CDH13: variants seen among roughly 807,000 people sequenced by gnomAD.
CDH13 encodes cadherin-13.
Under a neutral mutation model 63.8 loss-of-function variants are expected in CDH13, and 24 were observed. The observed-to-expected ratio is 0.38, with a 90% CI of 0.27 to 0.53. CDH13 has a LOEUF of 0.53. CDH13 is among the 20% of genes least tolerant of loss of function. CDH13 has a pLI of 0.85. For synonymous variants in CDH13, 503 were observed against 355.3 expected (o/e 1.42, Z -4.67); for missense variants, 1,049 against 903.1 (o/e 1.16, Z -2.07).
intron 1 of CDH13, among the ~76,000 whole-genome samples, chr16:82,680,374 G>T (rs1302733803): frequency 6.6e-6 from 1 of 152,214 alleles, no homozygotes; most frequent in Non-Finnish European, 1.5e-5. Context: ...ACTTGTAGAG[G>T]TTAGGTAGTT....
chr16:83,123,510 C>G (rs144219803), intron 3 of CDH13, among the ~76,000 whole-genome samples: 2,392 of 152,174 alleles, frequency 0.016, 75 homozygotes, highest in African/African-American at 0.054. Flanking sequence ...AACTCCCAAC[C>G]TCAGGTTATC....
rs1904300851 is a variant in CDH13, at chr16:83,799,268, C to T, written c.*4238C>T. On this transcript the variant is annotated 3_prime_UTR_variant, in exon 14 of 14. Coordinates refer to ENST00000567109, the MANE Select transcript of CDH13 (RefSeq NM_001257.5). ...GCAGAGTTTGCAGTGAGCCATTGCA[C>T]TCCAGCCTGGGCAACAGAGCAAGAC... The T allele has an allele frequency of 2.1e-5, 3 of 144,916 alleles. No homozygotes were observed. The highest frequency in any genetic ancestry group is 1.5e-5 in the Non-Finnish European group (1 of 67,030). The allele number at this position is 144,916 out of a possible 1,614,324, so 9.0% of individuals were successfully genotyped here.
chr16:83,415,028 A>AG (rs2092179957), intron 6 of CDH13, among the ~76,000 whole-genome samples: 5 of 152,096 alleles, frequency 3.3e-5, no homozygotes, highest in Admixed American at 3.3e-4. Flanking sequence ...AGCTAGACTA[A>AG]GGGGAAAAAA....
At chr16:82,878,838 A>G (rs1373199129) in intron 2 of CDH13, among the ~76,000 whole-genome samples, 1 of 152,070 alleles carries the variant, frequency 6.6e-6, no homozygotes, top group Non-Finnish European at 1.5e-5. Context: ...AATATCTAAC[A>G]TTGAGGCATT....
intron 1 of CDH13, among the ~76,000 whole-genome samples, chr16:82,713,405 G>A (rs67606662): frequency 0.035 from 5,324 of 152,162 alleles, 141 homozygotes; most frequent in Middle Eastern, 0.078. Context: ...GATCAAGAGA[G>A]CTTCTGTGTC....
intron 8 of CDH13, among the ~76,000 whole-genome samples, chr16:83,659,959 G>C (rs1913288672): frequency 6.6e-6 from 1 of 151,836 alleles, no homozygotes; most frequent in African/African-American, 2.4e-5. Flanking sequence ...GCTAATTTTT[G>C]TATTTTTTGT....
chr16:82,669,153 A>G (rs1005278053), intron 1 of CDH13, among the ~76,000 whole-genome samples: 2 of 152,214 alleles, frequency 1.3e-5, no homozygotes, highest in East Asian at 3.9e-4. Context: ...AGTGCATGGC[A>G]TGAAACCCAC....
intron 7 of CDH13, among the ~76,000 whole-genome samples, chr16:83,489,460 CCAAAGGAAAGAAAT>C (rs1286006730): frequency 6.6e-6 from 1 of 152,176 alleles, no homozygotes; most frequent in Non-Finnish European, 1.5e-5. Flanking sequence ...TCAGTGCAAT[CCAAAGGAAAGAAAT>C]GTCCCTAAAT....
At chr16:83,467,751 C>G (rs947737779) in intron 6 of CDH13, among the ~76,000 whole-genome samples, 3 of 152,304 alleles carry the variant, frequency 2.0e-5, no homozygotes, top group Admixed American at 2.0e-4. Flanking sequence ...CAGGACCCAA[C>G]CCACCACACA....
intron 3 of CDH13, among the ~76,000 whole-genome samples, chr16:83,066,959 G>T (rs988605832): frequency 6.6e-6 from 1 of 152,182 alleles, no homozygotes; most frequent in Non-Finnish European, 1.5e-5. Flanking sequence ...AAATGCTGAA[G>T]TCTTTGCTTC....
intron 4 of CDH13, among the ~76,000 whole-genome samples, chr16:83,206,586 T>C (rs1395433456): frequency 6.6e-6 from 1 of 152,242 alleles, no homozygotes; most frequent in Non-Finnish European, 1.5e-5. Context: ...GTTTGAGGAA[T>C]CACTGTGTGC....
intron 1 of CDH13, among the ~76,000 whole-genome samples, chr16:82,670,521 A>T (rs797008958): frequency 3.9e-5 from 6 of 152,282 alleles, no homozygotes; most frequent in African/African-American, 1.4e-4. Context: ...ACCATGCACT[A>T]CCCAGGTTTG....
At chr16:83,439,679 C>G (rs143779111) in intron 6 of CDH13, among the ~76,000 whole-genome samples, 1 of 152,118 alleles carries the variant, frequency 6.6e-6, no homozygotes, top group Non-Finnish European at 1.5e-5. Context: ...TACGGAATGG[C>G]CTTCTTTATG....
intron 6 of CDH13, among the ~76,000 whole-genome samples, chr16:83,367,124 C>G (rs866205177): frequency 2.0e-4 from 30 of 152,174 alleles, no homozygotes; most frequent in Middle Eastern, 3.2e-3. Flanking sequence ...GATCATTTCT[C>G]ATTTCCTCGA....
chr16:82,877,600 TTAAG>T (rs891312588), intron 2 of CDH13, among the ~76,000 whole-genome samples: 4 of 152,298 alleles, frequency 2.6e-5, no homozygotes, highest in Middle Eastern at 6.8e-3. Context: ...TATTTTGAAG[TTAAG>T]TAAGTTTGGG....
intron 4 of CDH13, among the ~76,000 whole-genome samples, chr16:83,131,869 TA>T (rs2036068590): frequency 6.6e-6 from 1 of 152,206 alleles, no homozygotes; most frequent in South Asian, 2.1e-4. Flanking sequence ...GTGCTGTTTG[TA>T]AAGGGAATCA....
intron 4 of CDH13, among the ~76,000 whole-genome samples, chr16:83,191,059 G>C (rs2038681806): frequency 6.6e-6 from 1 of 151,440 alleles, no homozygotes; most frequent in Non-Finnish European, 1.5e-5. Flanking sequence ...TCCGAGCAAA[G>C]GTCCAACTGG....
intron 10 of CDH13, among the ~76,000 whole-genome samples, chr16:83,679,312 A>C (rs961576564): frequency 1.3e-5 from 2 of 152,236 alleles, no homozygotes; most frequent in East Asian, 3.9e-4. Flanking sequence ...CTGTCTCTGC[A>C]GAAGAAAGTT....
At chr16:83,206,578 T>C (rs1335972865) in intron 4 of CDH13, among the ~76,000 whole-genome samples, 1 of 152,242 alleles carries the variant, frequency 6.6e-6, no homozygotes, top group Non-Finnish European at 1.5e-5. Flanking sequence ...TGACAAATGT[T>C]TGAGGAATCA....
Sources: allele counts gnomAD v4.1 joint callset (sites outside exome capture counted in the v4.1 genomes callset), GRCh38; gene constraint gnomAD v4.1.1; transcripts MANE v1.5; gene names NCBI Gene and HGNC (gene_info 2026-07-23, HGNC 2026-07-21).